IRF2: variants seen among roughly 807,000 people sequenced by gnomAD.
The protein encoded by IRF2 is interferon regulatory factor 2.
IRF2 carries 15 observed loss-of-function variants against 40.6 expected under a neutral mutation model. That is an observed-to-expected ratio of 0.37 (90% confidence interval 0.25 to 0.57). The LOEUF (loss-of-function observed/expected upper bound fraction) is 0.57. Ranked by LOEUF, IRF2 falls within the 20% of genes least tolerant of loss-of-function variation. IRF2 has a pLI of 0.77. For missense variants in IRF2, 317 were observed against 455.7 expected (o/e 0.70, Z 2.77); for synonymous variants, 151 against 165.5 (o/e 0.91, Z 0.67).
intron 1 of IRF2, among the ~76,000 whole-genome samples, chr4:184,467,464 G>GA (rs1162853891): frequency 1.3e-5 from 2 of 152,166 alleles, no homozygotes; most frequent in Non-Finnish European, 2.9e-5. Flanking sequence ...TATCACCACT[G>GA]TAATTTTTCT....
chr4:184,454,859 T>C (rs1738855117), intron 1 of IRF2, among the ~76,000 whole-genome samples: 1 of 152,162 alleles, frequency 6.6e-6, no homozygotes, highest in Admixed American at 6.5e-5. Context: ...AAGGCTAGTT[T>C]ATGTTAGGAG....
intron 6 of IRF2, among the ~76,000 whole-genome samples, chr4:184,404,130 G>T (rs1736765803): frequency 6.6e-6 from 1 of 152,148 alleles, no homozygotes; most frequent in African/African-American, 2.4e-5. Flanking sequence ...CCTTGGAGGT[G>T]GTTTGGTCCT....
chr4:184,390,653 C>T (rs754119064), intron 8 of IRF2, 50 bp downstream of exon 8: 48 of 1,587,140 alleles, frequency 3.0e-5, no homozygotes, highest in South Asian at 4.4e-5. Flanking sequence ...CGGAGCTGGT[C>T]GGGAGGCTTT....
At chr4:184,410,463 T>G (rs1450042328) in intron 5 of IRF2, among the ~76,000 whole-genome samples, 1 of 152,172 alleles carries the variant, frequency 6.6e-6, no homozygotes, top group Non-Finnish European at 1.5e-5. Flanking sequence ...CATGGCGGCC[T>G]GAACTGTCTG....
rs1237043137 is a variant in IRF2, at chr4:184,448,709, T to C, written c.-6-19639A>G. On this transcript the variant is annotated intron_variant, in intron 1 of 8. Coordinates refer to ENST00000393593, the MANE Select transcript of IRF2 (RefSeq NM_002199.4). This position sits in a 1 kb window ranked among gnomAD's most constrained non-coding sequence, Gnocchi z 4.3. ...GGGTCACTGATAGATTTGCAAATTGTAGATGTTTGTCCTCCAGAGGCCCCT... is the reference window on the plus strand; with the variant it reads ...GGGTCACTGATAGATTTGCAAATTGCAGATGTTTGTCCTCCAGAGGCCCCT... 6.6e-6 allele frequency: 1 copy of C among 152,224 alleles called. No homozygotes were observed. The highest frequency in any genetic ancestry group is 2.4e-5 in the African/African-American group (1 of 41,458). The allele number at this position is 152,224 out of a possible 1,614,324, so 9.4% of individuals were successfully genotyped here.
intron 2 of IRF2, among the ~76,000 whole-genome samples, chr4:184,425,650 C>T (rs571575248): frequency 2.6e-5 from 4 of 152,226 alleles, no homozygotes; most frequent in Non-Finnish European, 5.9e-5. Flanking sequence ...TTCCATGCCT[C>T]GGGAAGAGAA....
chr4:184,434,680 G>A (rs1234879762), intron 1 of IRF2, among the ~76,000 whole-genome samples: 1 of 152,154 alleles, frequency 6.6e-6, no homozygotes, highest in Non-Finnish European at 1.5e-5. Flanking sequence ...GAATATCACT[G>A]GTGCCAAGCC....
At chr4:184,461,185 C>T (rs770031063) in intron 1 of IRF2, among the ~76,000 whole-genome samples, 2 of 152,186 alleles carry the variant, frequency 1.3e-5, no homozygotes, top group African/African-American at 2.4e-5. Flanking sequence ...ATCAGTTTTC[C>T]TTAATGACAC....
chr4:184,406,164 G>C (rs971365795), intron 6 of IRF2, among the ~76,000 whole-genome samples: 7 of 152,010 alleles, frequency 4.6e-5, no homozygotes, highest in Non-Finnish European at 1.0e-4. Context: ...GGGCACAGCT[G>C]ACAGCATGGG....
At chr4:184,444,235 A>G (rs1403214350) in intron 1 of IRF2, among the ~76,000 whole-genome samples, 1 of 152,206 alleles carries the variant, frequency 6.6e-6, no homozygotes, top group Non-Finnish European at 1.5e-5. Flanking sequence ...TAGTGATAAA[A>G]ATGAGACCTT....
intron 1 of IRF2, among the ~76,000 whole-genome samples, chr4:184,449,588 G>C (rs561116189): frequency 4.0e-4 from 61 of 152,370 alleles, no homozygotes; most frequent in African/African-American, 1.3e-3. Context: ...AGAAAGAGAA[G>C]ACAGGGACAC....
chr4:184,415,762 C>G (rs1001059689), intron 5 of IRF2, among the ~76,000 whole-genome samples: 2 of 152,226 alleles, frequency 1.3e-5, no homozygotes, highest in African/African-American at 4.8e-5. Context: ...GAAATTAAAT[C>G]TGCATCCTAA....
chr4:184,398,701 C>T (rs1001983274), intron 7 of IRF2, among the ~76,000 whole-genome samples: 7 of 151,750 alleles, frequency 4.6e-5, no homozygotes, highest in African/African-American at 1.5e-4. Context: ...TCATGGCCAA[C>T]TGAGTAAAGA....
chr4:184,470,790 G>A (rs1229427919), intron 1 of IRF2, among the ~76,000 whole-genome samples: 2 of 152,026 alleles, frequency 1.3e-5, no homozygotes, highest in African/African-American at 4.8e-5. Context: ...AAGTTGACAC[G>A]AGAGTGAAGA....
rs372606140 is a variant in IRF2 at position 184,414,942 on chromosome 4, C to T, written c.411+3225G>A. 4.6e-5 allele frequency among the ~76,000 whole-genome samples: 7 copies of T among 152,290 alleles called. No individual in the cohort carries two copies. In the East Asian group the frequency reaches 1.2e-3, roughly 25 times the overall value. ...AGACTAAGTAGGTTTAGTATATTTG[C>T]ACAGGATATATTAACTCAGTGCTTG... On this transcript the variant is annotated intron_variant, in intron 5 of 8. Coordinates refer to ENST00000393593, the MANE Select transcript of IRF2 (RefSeq NM_002199.4).
At position 184,388,664 on chromosome 4, in the gene IRF2, T is replaced by C; in HGVS notation, c.*94A>G. ...GTCAAGGCTTTTTCCCTTAGATTTG[T>C]CTAAAATAGGTGTCAGAGAGAAAAA... On this transcript the variant is annotated 3_prime_UTR_variant, in exon 9 of 9. Coordinates refer to ENST00000393593, the MANE Select transcript of IRF2 (RefSeq NM_002199.4). The surrounding 1 kb of genome is among the most constrained non-coding windows in gnomAD (Gnocchi z 4.6). The C allele has an allele frequency of 7.8e-7, 1 of 1,285,308 alleles. No homozygotes were observed. The allele number at this position is 1,285,308 out of a possible 1,614,324, so 79.6% of individuals were successfully genotyped here. A position where few individuals can be genotyped will look rare whatever the true frequency, so the allele number is the denominator to read the frequency against.
intron 1 of IRF2, among the ~76,000 whole-genome samples, chr4:184,461,325 G>T (rs1052496281): frequency 1.3e-5 from 2 of 152,078 alleles, no homozygotes; most frequent in Non-Finnish European, 2.9e-5. Flanking sequence ...AAAATAAAAT[G>T]TATACACTTG....
At position 184,448,799 on chromosome 4, in the gene IRF2, T is replaced by G. The variant is rs1738607991; in HGVS notation, c.-6-19729A>C. 1 of 152,208 alleles carries G rather than the reference T, an allele frequency of 6.6e-6. No individual in the cohort carries two copies. Among genetic ancestry groups the G allele is most frequent in the Non-Finnish European group, 1.5e-5 (1 of 68,050 alleles). The allele number at this position is 152,208 out of a possible 1,614,324, so 9.4% of individuals were successfully genotyped here. On this transcript the variant is annotated intron_variant, in intron 1 of 8. Coordinates refer to ENST00000393593, the MANE Select transcript of IRF2 (RefSeq NM_002199.4). This position sits in a 1 kb window ranked among gnomAD's most constrained non-coding sequence, Gnocchi z 4.3. ...CGCCCCAAATCTGGCATTCCCAGAA[T>G]AGTTTCATTTTCGATCATGACAACA...
intron 1 of IRF2, among the ~76,000 whole-genome samples, chr4:184,465,362 G>A (rs1226247613): frequency 6.6e-6 from 1 of 152,164 alleles, no homozygotes; most frequent in African/African-American, 2.4e-5. Flanking sequence ...CTAACCTTAC[G>A]TGGACCAGAG....
Sources: allele counts gnomAD v4.1 joint callset (sites outside exome capture counted in the v4.1 genomes callset), GRCh38; gene constraint gnomAD v4.1.1; non-coding constraint Gnocchi (gnomAD v3.1); transcripts MANE v1.5; gene names NCBI Gene and HGNC (gene_info 2026-07-23, HGNC 2026-07-21).